Variants in DIP2C observed in about 807,000 individuals in gnomAD.
DIP2C encodes the protein disco-interacting protein 2 homolog C.
Under a neutral mutation model 192.4 loss-of-function variants are expected in DIP2C, and 33 were observed. The ratio of observed to expected loss-of-function variants is 0.17; its 90% CI spans 0.13 to 0.23. The LOEUF is 0.23. Ranked by LOEUF, DIP2C falls within the 10% of genes least tolerant of loss-of-function variation. The pLI is 1.00. For synonymous variants in DIP2C, 979 were observed against 864.1 expected (o/e 1.13, Z -2.33); for missense variants, 1,537 against 2,110.1 (o/e 0.73, Z 5.32).
intron 1 of DIP2C, among the ~76,000 whole-genome samples, chr10:671,764 G>A (rs1177106496): frequency 7.6e-6 from 1 of 131,396 alleles, no homozygotes; most frequent in Non-Finnish European, 1.6e-5. Flanking sequence ...CGCACGGACG[G>A]AGGAAACGCC....
chr10:572,727 G>A (rs955336465), intron 1 of DIP2C, among the ~76,000 whole-genome samples: 1 of 152,142 alleles, frequency 6.6e-6, no homozygotes, highest in African/African-American at 2.4e-5. Context: ...CCATTCATCT[G>A]AAAGTCACAG....
At chr10:555,569 C>G (rs558618601) in intron 1 of DIP2C, among the ~76,000 whole-genome samples, 2 of 152,268 alleles carry the variant, frequency 1.3e-5, no homozygotes, top group East Asian at 3.9e-4. Flanking sequence ...GAAGAGAAGG[C>G]AGGTGACTCA....
chr10:348,891 C>T (rs934183463), intron 25 of DIP2C, 129 bp from the exon 26 acceptor site: 1 of 1,382,324 alleles, frequency 7.2e-7, no homozygotes, highest in Non-Finnish European at 9.8e-7. Flanking sequence ...CTCACAGCCT[C>T]CGTCATCCTG....
At chr10:520,354 A>AC (rs1846618907) in intron 1 of DIP2C, among the ~76,000 whole-genome samples, 1 of 152,272 alleles carries the variant, frequency 6.6e-6, no homozygotes, top group African/African-American at 2.4e-5. Flanking sequence ...CGTGTGCGTT[A>AC]CCTGCAGAAA....
chr10:559,204 T>A (rs1353213618), intron 1 of DIP2C, among the ~76,000 whole-genome samples: 1 of 152,144 alleles, frequency 6.6e-6, no homozygotes, highest in Non-Finnish European at 1.5e-5. Flanking sequence ...ACATCTCAGG[T>A]GAATCACTTT....
At chr10:346,530 A>G (rs71492971) in intron 26 of DIP2C, among the ~76,000 whole-genome samples, 23 of 24,568 alleles carry the variant, frequency 9.4e-4, no homozygotes, top group Admixed American at 1.9e-3. Flanking sequence ...GTTCTCCCGG[A>G]AACCCCACAC....
In DIP2C at chr10:324,991, C is replaced by T. The variant is rs186049936; in HGVS notation, c.3924+2015G>A. ...CATCTTAAAACATTTTGGGGCTGGGCGTGGTGGCTCATGCCTGTAATCCCA... is the reference window on the plus strand; with the variant it reads ...CATCTTAAAACATTTTGGGGCTGGGTGTGGTGGCTCATGCCTGTAATCCCA... On this transcript the variant is annotated intron_variant, in intron 31 of 36. Transcript: ENST00000280886. The T allele has an allele frequency of 7.4e-4, 391 of 528,896 alleles. 7 individuals carry two copies. The East Asian group carries it at 0.018, about 24-fold the overall frequency. 32.8% of individuals were successfully genotyped at this position (528,896 alleles called of 1,614,324 possible). A position where few individuals can be genotyped will look rare whatever the true frequency, so the allele number is the denominator to read the frequency against.
intron 22 of DIP2C, among the ~76,000 whole-genome samples, chr10:358,169 G>A (rs1327047026): frequency 6.6e-6 from 1 of 152,102 alleles, no homozygotes; most frequent in Non-Finnish European, 1.5e-5. Context: ...GAAGCTCCCT[G>A]GAGGCCCTCC....
chr10:550,284 A>G (rs1848517175), intron 1 of DIP2C, among the ~76,000 whole-genome samples: 1 of 151,882 alleles, frequency 6.6e-6, no homozygotes, highest in Admixed American at 6.6e-5. Flanking sequence ...TGCTGGGAAT[A>G]CAGGTATGAG....
chr10:439,510 G>A (rs900080697), intron 4 of DIP2C, among the ~76,000 whole-genome samples: 6 of 152,196 alleles, frequency 3.9e-5, no homozygotes, highest in African/African-American at 1.4e-4. Flanking sequence ...CCAGGTGCTT[G>A]AGAGGCTGAA....
intron 1 of DIP2C, among the ~76,000 whole-genome samples, chr10:547,564 G>A (rs1021243375): frequency 2.6e-5 from 4 of 152,096 alleles, no homozygotes; most frequent in Admixed American, 2.6e-4. Context: ...AAGGGAGGGT[G>A]GAGAAAAAGG....
At chr10:386,071 G>C (rs1028974746) in intron 14 of DIP2C, among the ~76,000 whole-genome samples, 1 of 152,322 alleles carries the variant, frequency 6.6e-6, no homozygotes, top group Admixed American at 6.5e-5. Context: ...GCTCCTCAGA[G>C]AGGCGGCCCC....
intron 1 of DIP2C, among the ~76,000 whole-genome samples, chr10:488,007 C>T (rs535637447): frequency 3.2e-4 from 49 of 152,368 alleles, no homozygotes; most frequent in Admixed American, 6.5e-4. Flanking sequence ...TTGGAAATGC[C>T]TTGTTAACCC....
At chr10:623,904 C>T (rs1854036172) in intron 1 of DIP2C, among the ~76,000 whole-genome samples, 2 of 152,204 alleles carry the variant, frequency 1.3e-5, no homozygotes, top group South Asian at 4.1e-4. Flanking sequence ...GGCGGACAGA[C>T]TTGGCTTCCA....
At chr10:411,724 C>T (rs1338753737) in intron 8 of DIP2C, among the ~76,000 whole-genome samples, 1 of 152,166 alleles carries the variant, frequency 6.6e-6, no homozygotes. Context: ...AATTCTCATT[C>T]GATACCAAAT....
At chr10:448,178 C>A (rs1157526823) in intron 3 of DIP2C, among the ~76,000 whole-genome samples, 2 of 120,120 alleles carry the variant, frequency 1.7e-5, no homozygotes, top group Non-Finnish European at 3.2e-5. Context: ...CCCGTCGATA[C>A]TCAGGATCAC....
At chr10:669,358 G>C (rs1857306508) in intron 1 of DIP2C, 1 of 152,126 alleles carries the variant, frequency 6.6e-6, no homozygotes, top group Non-Finnish European at 1.5e-5. Flanking sequence ...CCGAGAACTC[G>C]GAACCAAGTG....
intron 1 of DIP2C, among the ~76,000 whole-genome samples, chr10:506,850 G>A (rs1845623160): frequency 6.6e-6 from 1 of 152,252 alleles, no homozygotes. Context: ...TGCATGATCA[G>A]AGGTGTGAGG....
intron 1 of DIP2C, among the ~76,000 whole-genome samples, chr10:536,981 A>C (rs1392492428): frequency 6.6e-6 from 1 of 152,210 alleles, no homozygotes; most frequent in Non-Finnish European, 1.5e-5. Context: ...ATAGAAGATG[A>C]ACAAAAGAAG....
Sources: gnomAD v4.1 joint callset for allele counts (sites outside exome capture counted in the v4.1 genomes callset) on GRCh38, gnomAD v4.1.1 for gene constraint, MANE v1.5 for transcripts, NCBI Gene and HGNC (gene_info 2026-07-23, HGNC 2026-07-21) for gene names.